Variants in FAM193A observed in about 807,000 individuals in gnomAD.
The protein encoded by FAM193A is protein FAM193A.
In FAM193A, 22 loss-of-function variants were observed where a neutral mutation model predicts 126.5. The observed-to-expected ratio is 0.17, with a 90% CI of 0.12 to 0.25. The LOEUF (loss-of-function observed/expected upper bound fraction) is 0.25, where lower values mean the gene tolerates loss of function less well. FAM193A is among the 10% of genes least tolerant of loss of function. The pLI is 1.00. For synonymous variants in FAM193A, 761 were observed against 646.8 expected, an observed-to-expected ratio of 1.18 and a Z score of -2.68; for missense variants, 1,675 against 1,672.8, an observed-to-expected ratio of 1.00 and a Z score of -0.02.
At chr4:2,591,540 A>C (rs146873028) in intron 1 of FAM193A, among the ~76,000 whole-genome samples, 1 of 152,142 alleles carries the variant, frequency 6.6e-6, no homozygotes, top group Admixed American at 6.5e-5. Flanking sequence ...TGTCTCCTGC[A>C]TTAGCCTTCA....
At chr4:2,724,028 T>C (rs1344266712) in intron 20 of FAM193A, among the ~76,000 whole-genome samples, 2 of 61,298 alleles carry the variant, frequency 3.3e-5, no homozygotes, top group Non-Finnish European at 7.1e-5. Flanking sequence ...CAACAGAATG[T>C]CTTTTTTTTT....
intron 15 of FAM193A, 63 bp downstream of exon 15, chr4:2,691,033 G>T: frequency 6.8e-7 from 1 of 1,471,738 alleles, no homozygotes; most frequent in South Asian, 1.3e-5. Context: ...CTGACTTCTC[G>T]TCTTTGTAAC....
intron 1 of FAM193A, among the ~76,000 whole-genome samples, chr4:2,586,793 A>G (rs1740265138): frequency 1.3e-5 from 2 of 152,056 alleles, no homozygotes; most frequent in Admixed American, 1.3e-4. Flanking sequence ...GGCTGGGACT[A>G]CAGGTGCATG....
intron 4 of FAM193A, 87 bp from the exon 5 acceptor site, chr4:2,630,844 CTGTG>C: frequency 2.0e-5 from 14 of 705,652 alleles, no homozygotes; most frequent in Admixed American, 7.4e-5. Context: ...AGGTGGCCAC[CTGTG>C]GAAGGGCTTC....
rs1553888660 is a variant in FAM193A at position 2,577,425 on chromosome 4, T to TTTTTTTTTTTTG, written c.256-18658_256-18647dup. On this transcript the variant is annotated intron_variant, in intron 1 of 20. Transcript: ENST00000637812. ...CAATTAAAGTGGTTTTTTTTTTGTT[T>TTTTTTTTTTTTG]TTTTTTTTTTTGAGACAGAGTCTCA... Among the ~76,000 whole-genome samples the TTTTTTTTTTTTG allele has an allele frequency of 4.0e-4, 58 of 145,846 alleles. 3 individuals carry two copies.
At chr4:2,579,488 A>C (rs1739798492) in intron 1 of FAM193A, among the ~76,000 whole-genome samples, 3 of 152,130 alleles carry the variant, frequency 2.0e-5, no homozygotes. Context: ...ACTTAAACCC[A>C]GGCGTTGGAG....
intron 18 of FAM193A, among the ~76,000 whole-genome samples, chr4:2,699,242 C>T (rs867230809): frequency 2.6e-5 from 4 of 152,138 alleles, no homozygotes; most frequent in Admixed American, 6.5e-5. Flanking sequence ...TCTGGCGGCA[C>T]GTGTACAGCC....
chr4:2,571,546 C>CT (rs879357991), intron 1 of FAM193A, among the ~76,000 whole-genome samples: 181 of 146,056 alleles, frequency 1.2e-3, no homozygotes, highest in African/African-American at 2.3e-3. Context: ...TAGAGCAGAA[C>CT]TTTTTTTTTT....
intron 19 of FAM193A, among the ~76,000 whole-genome samples, chr4:2,713,122 A>G (rs898825527): frequency 7.2e-6 from 1 of 138,514 alleles, no homozygotes; most frequent in Non-Finnish European, 1.5e-5. Context: ...AAAAAAAAAA[A>G]TTGTCCAGGT....
chr4:2,559,268 A>G (rs1157597446), intron 1 of FAM193A, among the ~76,000 whole-genome samples: 1 of 152,184 alleles, frequency 6.6e-6, no homozygotes, highest in Non-Finnish European at 1.5e-5. Context: ...TTTATTGCCA[A>G]GACAGTATTT....
At chr4:2,713,424 G>C (rs1231854243) in intron 19 of FAM193A, among the ~76,000 whole-genome samples, 2 of 151,986 alleles carry the variant, frequency 1.3e-5, no homozygotes. Flanking sequence ...AAAAAAATTG[G>C]GGTATTAGGA....
chr4:2,691,862 C>T (rs948022512), intron 15 of FAM193A, among the ~76,000 whole-genome samples: 1 of 151,692 alleles, frequency 6.6e-6, no homozygotes, highest in African/African-American at 2.4e-5. Context: ...GATGCTCAAA[C>T]AGAGCAGTAG....
chr4:2,708,040 G>T, intron 19 of FAM193A: 1 of 341,486 alleles, frequency 2.9e-6, no homozygotes. Context: ...GTGAGCCACT[G>T]TGCCCAGCCT....
chr4:2,638,073 G>T (rs1744259855), intron 5 of FAM193A, among the ~76,000 whole-genome samples: 1 of 152,248 alleles, frequency 6.6e-6, no homozygotes, highest in Non-Finnish European at 1.5e-5. Context: ...AGGTGGAAAT[G>T]GCTATCCCAG....
At chr4:2,657,926 T>C (rs1711910969) in intron 8 of FAM193A, 46 bp downstream of exon 8, 1 of 1,320,970 alleles carries the variant, frequency 7.6e-7, no homozygotes, top group Non-Finnish European at 1.1e-6. Flanking sequence ...TAGAAATCTG[T>C]CCTGACAGCA....
chr4:2,657,756 G>A (rs764405248), intron 7 of FAM193A, 47 bp from the exon 8 acceptor site: 3 of 1,219,322 alleles, frequency 2.5e-6, no homozygotes, highest in Admixed American at 4.1e-5. Context: ...ATTGTCGCAG[G>A]TATTAAAGTT....
intron 7 of FAM193A, among the ~76,000 whole-genome samples, chr4:2,647,827 T>C (rs371926466): frequency 1.3e-5 from 2 of 152,162 alleles, no homozygotes; most frequent in Non-Finnish European, 2.9e-5. Flanking sequence ...CTTCGGAGAC[T>C]CTCTGTAGGA....
chr4:2,623,990 A>C (rs921724746), intron 2 of FAM193A, among the ~76,000 whole-genome samples: 16 of 152,006 alleles, frequency 1.1e-4, no homozygotes, highest in African/African-American at 3.9e-4. Context: ...CAGCTCTGAG[A>C]CCTGAGCCCT....
intron 13 of FAM193A, among the ~76,000 whole-genome samples, chr4:2,675,953 G>A (rs188439531): frequency 3.3e-5 from 5 of 152,206 alleles, no homozygotes; most frequent in Admixed American, 6.5e-5. Flanking sequence ...TCATGTTGTC[G>A]CATATTGCAG....
Sources: gnomAD v4.1 joint callset for allele counts (sites outside exome capture counted in the v4.1 genomes callset) on GRCh38, gnomAD v4.1.1 for gene constraint, MANE v1.5 for transcripts, NCBI Gene and HGNC (gene_info 2026-07-23, HGNC 2026-07-21) for gene names.